TBC1D4: variants seen among roughly 807,000 people sequenced by gnomAD.
TBC1D4 encodes the protein TBC (Tre-2, BUB2, CDC16) domain-containing protein.
TBC1D4 carries 121 observed loss-of-function variants against 142.5 expected under a neutral mutation model. That is an observed-to-expected ratio of 0.85 (90% confidence interval 0.73 to 0.99). The LOEUF is 0.99. Ranked by LOEUF, TBC1D4 falls within the 50% of genes least tolerant of loss-of-function variation. The probability of loss-of-function intolerance (pLI) is 0.00; values close to 1 mark genes in which losing one functional copy is unlikely to be tolerated. For missense variants in TBC1D4, 1,475 were observed against 1,606.6 expected (o/e 0.92, Z 1.40); for synonymous variants, 630 against 628.2 (o/e 1.00, Z -0.04).
intron 1 of TBC1D4, among the ~76,000 whole-genome samples, chr13:75,459,638 G>A (rs1353043310): frequency 6.6e-6 from 1 of 152,052 alleles, no homozygotes; most frequent in Non-Finnish European, 1.5e-5. Context: ...TCCCAAAACA[G>A]TGGTAGGACC....
chr13:75,284,028 A>T lies in TBC1D4; in HGVS notation c.*2764T>A, dbSNP rs1016411732. On this transcript the variant is annotated 3_prime_UTR_variant, in exon 21 of 21. Coordinates refer to ENST00000377636, the MANE Select transcript of TBC1D4 (RefSeq NM_014832.5). ...TCAAACTATTCTCCAGCCTCCTATA[A>T]GTAGCAATATATGCCTCTCCTACTC... Among the ~76,000 whole-genome samples, 1 of 152,034 alleles carries T rather than the reference A, an allele frequency of 6.6e-6. No individual in the cohort carries two copies. Among genetic ancestry groups the T allele is most frequent in the South Asian group, 2.1e-4 (1 of 4,826 alleles).
intron 15 of TBC1D4, chr13:75,302,615 C>G: frequency 1.7e-6 from 1 of 600,662 alleles, no homozygotes; most frequent in Non-Finnish European, 2.9e-6. Context: ...GCAACACTTA[C>G]GATAATGACA....
intron 5 of TBC1D4, among the ~76,000 whole-genome samples, chr13:75,341,969 T>C (rs1427811649): frequency 6.6e-6 from 1 of 152,226 alleles, no homozygotes; most frequent in African/African-American, 2.4e-5. Flanking sequence ...GGCCACAGTA[T>C]GGCAGGACTG....
intron 1 of TBC1D4, among the ~76,000 whole-genome samples, chr13:75,444,633 C>CA (rs1227961246): frequency 6.6e-6 from 1 of 152,180 alleles, no homozygotes; most frequent in Non-Finnish European, 1.5e-5. Context: ...AACAATGGTA[C>CA]ATTCTCCAGC....
At chr13:75,395,214 T>C (rs1170448335) in intron 1 of TBC1D4, among the ~76,000 whole-genome samples, 2 of 152,214 alleles carry the variant, frequency 1.3e-5, no homozygotes, top group African/African-American at 4.8e-5. Context: ...CAACAGTGGA[T>C]AAGGGTAGGC....
chr13:75,293,677 T>C (rs1021544317), intron 18 of TBC1D4, among the ~76,000 whole-genome samples: 1 of 152,216 alleles, frequency 6.6e-6, no homozygotes, highest in Non-Finnish European at 1.5e-5. Flanking sequence ...CAGCGCATTT[T>C]CACTTTACTC....
chr13:75,299,204 A>G (rs749165779), intron 17 of TBC1D4, 126 bp downstream of exon 17: 2 of 1,521,660 alleles, frequency 1.3e-6, no homozygotes, highest in Non-Finnish European at 1.8e-6. Flanking sequence ...AACATGCCCC[A>G]ATCTTTACCC....
chr13:75,366,818 TA>T, intron 1 of TBC1D4: 1 of 501,578 alleles, frequency 2.0e-6, no homozygotes. Context: ...GATTTCAAAA[TA>T]AAACAAATTC....
At chr13:75,333,056 C>A (rs1400761158) in intron 8 of TBC1D4, among the ~76,000 whole-genome samples, 1 of 152,170 alleles carries the variant, frequency 6.6e-6, no homozygotes, top group African/African-American at 2.4e-5. Context: ...ATGGTTAATT[C>A]AAAGTTCCTC....
chr13:75,480,933 C>T (rs9573562), intron 1 of TBC1D4, among the ~76,000 whole-genome samples: 9,308 of 152,178 alleles, frequency 0.061, 418 homozygotes, highest in East Asian at 0.23. Context: ...CCGGTCACAC[C>T]CCAGACACCG....
chr13:75,359,960 C>T, intron 2 of TBC1D4, 102 bp from the exon 3 acceptor site: 1 of 929,508 alleles, frequency 1.1e-6, no homozygotes, highest in Non-Finnish European at 1.7e-6. Context: ...AATGCAATAT[C>T]CCAGATATAT....
At chr13:75,469,613 A>AT (rs1888315524) in intron 1 of TBC1D4, among the ~76,000 whole-genome samples, 1 of 152,094 alleles carries the variant, frequency 6.6e-6, no homozygotes, top group Non-Finnish European at 1.5e-5. Context: ...TCTACAAAAA[A>AT]TTTTTTAAAA....
intron 4 of TBC1D4, among the ~76,000 whole-genome samples, chr13:75,355,807 GAAAAT>G (rs753382387): frequency 2.0e-5 from 3 of 152,168 alleles, no homozygotes; most frequent in Non-Finnish European, 4.4e-5. Context: ...TAGCAGTTAA[GAAAAT>G]AAAAGATCAA....
intron 1 of TBC1D4, among the ~76,000 whole-genome samples, chr13:75,383,039 C>T (rs571970083): frequency 2.6e-5 from 4 of 152,300 alleles, no homozygotes; most frequent in South Asian, 2.1e-4. Context: ...AGCCTATCTT[C>T]GGTCGAGCAC....
At chr13:75,322,442 G>C (rs1453790081) in intron 11 of TBC1D4, among the ~76,000 whole-genome samples, 1 of 152,114 alleles carries the variant, frequency 6.6e-6, no homozygotes, top group Non-Finnish European at 1.5e-5. Context: ...CCTTCTATTA[G>C]AATGAGGTAT....
chr13:75,377,283 T>G (rs950172994), intron 1 of TBC1D4: 2 of 152,212 alleles, frequency 1.3e-5, no homozygotes, highest in Non-Finnish European at 2.9e-5. Flanking sequence ...GAGCTCTATG[T>G]GAATGACAGC....
rs748190165 is a variant in TBC1D4 at position 75,356,237 on chromosome 13, C to T, written c.1185G>A (p.Val395=). The stretch of plus-strand genomic sequence containing the variant: ...CCCGGCAGATAAAGCCAAAGTGATC[C>T]ACATGCTTTATACCCTAGATGGAGG... The part of the protein sequence containing the change: ...ISSCSQGIKH[V]DHFGFICRES... Residue 395 remains valine, a synonymous_variant, in exon 4 of 21, where the codon GTG becomes GTA. Transcript: ENST00000377636. The T allele has an allele frequency of 1.2e-6, 2 of 1,613,060 alleles. No individual in the cohort carries two copies. The highest frequency in any genetic ancestry group is 2.2e-5 in the South Asian group (2 of 91,042).
At chr13:75,318,013 GTT>G (rs1878457435) in intron 12 of TBC1D4, among the ~76,000 whole-genome samples, 1 of 152,182 alleles carries the variant, frequency 6.6e-6, no homozygotes, top group African/African-American at 2.4e-5. Context: ...TGAACAAGCA[GTT>G]ATAGTCTTCA....
chr13:75,373,646 G>A (rs920615327), intron 1 of TBC1D4, among the ~76,000 whole-genome samples: 1 of 152,170 alleles, frequency 6.6e-6, no homozygotes, highest in African/African-American at 2.4e-5. Flanking sequence ...TCCTCATGGA[G>A]CGTGCCTGCT....
Sources: gnomAD v4.1 joint callset for allele counts (sites outside exome capture counted in the v4.1 genomes callset) on GRCh38, gnomAD v4.1.1 for gene constraint, MANE v1.5 for transcripts, NCBI Gene and HGNC (gene_info 2026-07-23, HGNC 2026-07-21) for gene names.